The following CPD variants were observed in gnomAD, a reference collection of about 807,000 sequenced individuals.
CPD encodes the protein metallocarboxypeptidase D.
Under a neutral mutation model 138.3 loss-of-function variants are expected in CPD, and 69 were observed. The observed-to-expected ratio is 0.50, with a 90% CI of 0.41 to 0.61. CPD has a LOEUF of 0.61. CPD is among the 20% of genes least tolerant of loss of function. CPD has a pLI of 0.00. For synonymous variants in CPD, 651 were observed against 642.1 expected, an observed-to-expected ratio of 1.01 and a Z score of -0.21; for missense variants, 1,432 against 1,733.3, an observed-to-expected ratio of 0.83 and a Z score of 3.09.
chr17:30,397,448 T>C (rs1033325897), intron 2 of CPD, among the ~76,000 whole-genome samples: 4 of 152,002 alleles, frequency 2.6e-5, no homozygotes, highest in Admixed American at 6.6e-5. Flanking sequence ...AAAGAGAAGA[T>C]GTGGCTGGGT....
chr17:30,432,043 A>G lies in CPD; in HGVS notation c.2127+162A>G, dbSNP rs550041010. 3.3e-5 allele frequency among the ~76,000 whole-genome samples: 5 copies of G among 152,142 alleles called. No individual in the cohort carries two copies. The South Asian group carries it at 1.0e-3, about 32-fold the overall frequency. On this transcript the variant is annotated intron_variant, in intron 8 of 20. Transcript: ENST00000225719. ...AGCTTTTTCTCCTGTTTCCCACCTC[A>G]CTTTTGAATACACTACATGTCTTTC...
chr17:30,397,861 A>G (rs1213054881), intron 2 of CPD, among the ~76,000 whole-genome samples: 1 of 151,418 alleles, frequency 6.6e-6, no homozygotes, highest in Non-Finnish European at 1.5e-5. Context: ...TATATTTAAA[A>G]TAATAATATA....
intron 6 of CPD, among the ~76,000 whole-genome samples, chr17:30,423,996 C>A (rs1912337138): frequency 2.0e-5 from 3 of 152,080 alleles, no homozygotes; most frequent in Non-Finnish European, 4.4e-5. Context: ...GACAAAGAGT[C>A]AAACTCTGTA....
At chr17:30,444,131 A>T in intron 11 of CPD, 160 bp downstream of exon 11, 1 of 548,086 alleles carries the variant, frequency 1.8e-6, no homozygotes, top group Non-Finnish European at 3.1e-6. Context: ...CTTTAGTGGC[A>T]GATAGAGTAC....
chr17:30,399,902 A>G (rs1259987508), intron 2 of CPD, among the ~76,000 whole-genome samples: 1 of 152,204 alleles, frequency 6.6e-6, no homozygotes, highest in African/African-American at 2.4e-5. Flanking sequence ...AGGCAAGAGA[A>G]TGCTTAGGAA....
chr17:30,416,400 T>G (rs937946018), intron 2 of CPD, among the ~76,000 whole-genome samples: 3 of 152,246 alleles, frequency 2.0e-5, no homozygotes, highest in African/African-American at 7.2e-5. Flanking sequence ...TATTGTACTG[T>G]ACATGTAAAA....
intron 10 of CPD, among the ~76,000 whole-genome samples, chr17:30,443,019 A>G (rs1029531347): frequency 1.3e-5 from 2 of 151,596 alleles, no homozygotes; most frequent in Admixed American, 6.6e-5. Context: ...TTTTTTTACT[A>G]TATTTAAAGA....
At chr17:30,408,865 A>C (rs1911879528) in intron 2 of CPD, among the ~76,000 whole-genome samples, 1 of 152,128 alleles carries the variant, frequency 6.6e-6, no homozygotes, top group South Asian at 2.1e-4. Flanking sequence ...GTGGTGAGAG[A>C]GGGCATCCTT....
At chr17:30,397,737 CAAAAAA>C (rs71138885) in intron 2 of CPD, among the ~76,000 whole-genome samples, 673 of 31,844 alleles carry the variant, frequency 0.021, 7 homozygotes, top group African/African-American at 0.065. Context: ...ACTCCTGTCT[CAAAAAA>C]AAAAAAAAAA....
Position 30,450,678 on chromosome 17 carries a change from G to A in CPD, c.3069+930G>A, listed in dbSNP as rs55702006. Among the ~76,000 whole-genome samples the A allele has an allele frequency of 3.0e-3, 452 of 152,280 alleles. 2 individuals are homozygous for A. Among genetic ancestry groups the A allele is most frequent in the Non-Finnish European group, 5.4e-3 (364 of 68,028 alleles). On this transcript the variant is annotated intron_variant, in intron 13 of 20. Coordinates refer to ENST00000225719, the MANE Select transcript of CPD (RefSeq NM_001304.5). ...GTTTGAGACCAGCCAGAGCAGCAGA[G>A]TGATACCTTGTCTCTACAAAAATTT...
chr17:30,392,021 T>C (rs1245088490), intron 2 of CPD, among the ~76,000 whole-genome samples: 1 of 151,490 alleles, frequency 6.6e-6, no homozygotes, highest in Non-Finnish European at 1.5e-5. Flanking sequence ...TTTTTTTTTT[T>C]TTTTTGGAGA....
intron 2 of CPD, among the ~76,000 whole-genome samples, chr17:30,412,874 C>T (rs1263932947): frequency 6.6e-6 from 1 of 152,266 alleles, no homozygotes; most frequent in East Asian, 1.9e-4. Context: ...ACTTGCCCTC[C>T]GTGGGCTGCA....
At chr17:30,447,126 G>T (rs1913052847) in intron 12 of CPD, among the ~76,000 whole-genome samples, 1 of 152,178 alleles carries the variant, frequency 6.6e-6, no homozygotes, top group African/African-American at 2.4e-5. Flanking sequence ...TCTGTAGGTT[G>T]CCTGTTCACT....
chr17:30,465,198 A>G lies in CPD; in HGVS notation c.*384A>G, dbSNP rs1303257742. On this transcript the variant is annotated 3_prime_UTR_variant, in exon 21 of 21. Coordinates refer to ENST00000225719, the MANE Select transcript of CPD (RefSeq NM_001304.5). Reference sequence around the variant, plus strand: ...TAAATGGCCAAAAGAATCCAGAAACATTAAGGCAGGGACAGCAGTCAGAAT... The same window carrying G: ...TAAATGGCCAAAAGAATCCAGAAACGTTAAGGCAGGGACAGCAGTCAGAAT... The G allele has an allele frequency of 1.1e-5, 2 of 181,520 alleles. No homozygotes were observed. The highest frequency in any genetic ancestry group is 4.8e-5 in the African/African-American group (2 of 41,884). The allele number at this position is 181,520 out of a possible 1,614,324, so 11.2% of individuals were successfully genotyped here.
intron 2 of CPD, among the ~76,000 whole-genome samples, chr17:30,398,867 T>TA (rs1388201349): frequency 2.0e-5 from 3 of 150,284 alleles, no homozygotes; most frequent in Non-Finnish European, 4.4e-5. Context: ...TTTAAATAAT[T>TA]AAAAAAAAAT....
At chr17:30,387,967 C>T (rs1221331436) in intron 2 of CPD, among the ~76,000 whole-genome samples, 1 of 152,150 alleles carries the variant, frequency 6.6e-6, no homozygotes, top group Admixed American at 6.5e-5. Flanking sequence ...GTGGGCATCT[C>T]CTCTCTGTAG....
At chr17:30,400,078 A>G (rs1911613301) in intron 2 of CPD, among the ~76,000 whole-genome samples, 1 of 152,200 alleles carries the variant, frequency 6.6e-6, no homozygotes, top group Non-Finnish European at 1.5e-5. Flanking sequence ...GAGTTTTACA[A>G]TTCCTGTCTT....
intron 2 of CPD, among the ~76,000 whole-genome samples, chr17:30,401,714 G>T (rs1246656012): frequency 6.6e-6 from 1 of 152,032 alleles, no homozygotes; most frequent in Non-Finnish European, 1.5e-5. Flanking sequence ...TCAAACTCCT[G>T]GGCTCAAGGG....
In CPD at chr17:30,455,370, C is replaced by T. The variant is rs1456579847; in HGVS notation, c.3237C>T (p.Ile1079=). 3.1e-6 allele frequency: 5 copies of T among 1,613,092 alleles called. No homozygotes were observed. The highest frequency in any genetic ancestry group is 4.2e-6 in the Non-Finnish European group (5 of 1,179,684). The change falls in exon 15 of 21, where the codon ATC becomes ATT. Residue 1079 remains isoleucine (I), a synonymous_variant. Coordinates refer to ENST00000225719, the MANE Select transcript of CPD (RefSeq NM_001304.5). ...NNASQPETKA[I]IENLIQKQDF... is the part of the protein sequence containing the mutation. ...CCTCCCAACCTGAGACCAAAGCCATCATTGAAAATTTGATTCAAAAACAGG... is the reference window on the plus strand; with the variant it reads ...CCTCCCAACCTGAGACCAAAGCCATTATTGAAAATTTGATTCAAAAACAGG...
Sources: gnomAD v4.1 joint callset for allele counts (sites outside exome capture counted in the v4.1 genomes callset) on GRCh38, gnomAD v4.1.1 for gene constraint, MANE v1.5 for transcripts, NCBI Gene and HGNC (gene_info 2026-07-23, HGNC 2026-07-21) for gene names.